RGS9: variants seen among roughly 807,000 people sequenced by gnomAD.
The protein encoded by RGS9 is regulator of G protein signaling 9.
In RGS9, 78 loss-of-function variants were observed where a neutral mutation model predicts 102.0. The observed-to-expected ratio is 0.76, with a 90% confidence interval of 0.64 to 0.92. RGS9 has a LOEUF of 0.92. RGS9 is among the 40% of genes least tolerant of loss of function. RGS9 has a pLI of 0.00. For synonymous variants in RGS9, 353 were observed against 318.6 expected (o/e 1.11, Z -1.15); for missense variants, 833 against 866.1 (o/e 0.96, Z 0.48).
chr17:65,212,583 G>C (rs1913345019), intron 17 of RGS9, among the ~76,000 whole-genome samples: 1 of 152,160 alleles, frequency 6.6e-6, no homozygotes, highest in Admixed American at 6.5e-5. Flanking sequence ...GGGTGAGGGG[G>C]AAACTGTGCA....
chr17:65,157,268 G>A lies in RGS9; in HGVS notation c.155-1027G>A, dbSNP rs150414642. On this transcript the variant is annotated intron_variant, in intron 2 of 18. Transcript: ENST00000262406. ...AAAATGTGACCATTGGCATCTGCAC[G>A]ATGGTATCTGTGATGCGGTGCTTCG... Among the ~76,000 whole-genome samples, 11 of 152,204 alleles carry A rather than the reference G, an allele frequency of 7.2e-5. No homozygotes were observed. In the East Asian group the frequency reaches 9.7e-4, roughly 13 times the overall value.
At chr17:65,193,136 T>TG (rs1446770604) in intron 11 of RGS9, among the ~76,000 whole-genome samples, 2 of 145,060 alleles carry the variant, frequency 1.4e-5, no homozygotes, top group African/African-American at 5.1e-5. Context: ...CCTGGCCTGG[T>TG]GGTGCGCGTC....
chr17:65,151,816 T>C (rs898364998), intron 1 of RGS9, among the ~76,000 whole-genome samples: 1 of 152,240 alleles, frequency 6.6e-6, no homozygotes, highest in African/African-American at 2.4e-5. Flanking sequence ...CTTCCAGGGC[T>C]CTGAAAGTCA....
chr17:65,149,186 C>G (rs1910487373), intron 1 of RGS9, among the ~76,000 whole-genome samples: 1 of 151,792 alleles, frequency 6.6e-6, no homozygotes, highest in South Asian at 2.1e-4. Context: ...GTTGGCCAGG[C>G]TGGTCTCGAA....
At chr17:65,175,083 ATGTGTG>A (rs113500448) in intron 8 of RGS9, among the ~76,000 whole-genome samples, 1 of 149,118 alleles carries the variant, frequency 6.7e-6, no homozygotes, top group East Asian at 2.0e-4. Context: ...AACCATATTA[ATGTGTG>A]TGTGTGTGTG....
At position 65,218,122 on chromosome 17, in the gene RGS9, A is replaced by T. The variant is rs1010839353; in HGVS notation, c.1408-6880A>T. Among the ~76,000 whole-genome samples, 3 of 152,304 alleles carry T rather than the reference A, an allele frequency of 2.0e-5. No homozygotes were observed. The East Asian group carries it at 5.8e-4, about 29-fold the overall frequency. On this transcript the variant is annotated intron_variant, in intron 17 of 18. Coordinates refer to ENST00000262406, the MANE Select transcript of RGS9 (RefSeq NM_003835.4). ...GAGGGAAGAAGTGTCTCCTCTCCTTATATGGAAGTTTCTGTATGTTCAAAG... is the reference window on the plus strand; with the variant it reads ...GAGGGAAGAAGTGTCTCCTCTCCTTTTATGGAAGTTTCTGTATGTTCAAAG...
Position 65,174,183 on chromosome 17 carries a change from G to A in RGS9, c.583-3549G>A, listed in dbSNP as rs1322719515. On this transcript the variant is annotated intron_variant, in intron 8 of 18. Transcript: ENST00000262406. Reference sequence around the variant, plus strand: ...GAGGACTCTATCTCAGTTATGCAGTGCACTGTTGAGCACTGGGGCAACCAA... The same window carrying A: ...GAGGACTCTATCTCAGTTATGCAGTACACTGTTGAGCACTGGGGCAACCAA... Among the ~76,000 whole-genome samples, 6 of 152,346 alleles carry A rather than the reference G, an allele frequency of 3.9e-5. No homozygotes were observed. The East Asian group carries it at 9.6e-4, about 24-fold the overall frequency.
intron 1 of RGS9, among the ~76,000 whole-genome samples, chr17:65,148,941 G>A (rs988133659): frequency 1.3e-5 from 2 of 151,448 alleles, no homozygotes; most frequent in Non-Finnish European, 2.9e-5. Context: ...TCCCTACGAT[G>A]ATTGGTTTTG....
chr17:65,183,541 C>T (rs777486327), intron 9 of RGS9, among the ~76,000 whole-genome samples: 4 of 152,214 alleles, frequency 2.6e-5, no homozygotes, highest in African/African-American at 4.8e-5. Context: ...AAGCGATCCA[C>T]CTGCCTTGGC....
chr17:65,150,475 A>T (rs1321788319), intron 1 of RGS9, among the ~76,000 whole-genome samples: 1 of 152,026 alleles, frequency 6.6e-6, no homozygotes, highest in Non-Finnish European at 1.5e-5. Context: ...TACAAAAATT[A>T]GCTGGGCGTG....
intron 17 of RGS9, among the ~76,000 whole-genome samples, chr17:65,212,154 A>G (rs1359890059): frequency 6.6e-6 from 1 of 152,210 alleles, no homozygotes; most frequent in African/African-American, 2.4e-5. Flanking sequence ...ACTTTATTTT[A>G]TTGGCCAAAG....
intron 16 of RGS9, among the ~76,000 whole-genome samples, chr17:65,209,305 G>A (rs1240863844): frequency 6.6e-6 from 1 of 152,198 alleles, no homozygotes; most frequent in African/African-American, 2.4e-5. Context: ...CCTTCCTCTT[G>A]GCAGGGCTGG....
intron 9 of RGS9, chr17:65,180,053 G>C (rs976424889): frequency 1.3e-5 from 2 of 152,164 alleles, no homozygotes; most frequent in African/African-American, 4.8e-5. Context: ...GTATTAAGAA[G>C]AATAAAGAAC....
chr17:65,140,163 G>A (rs1235323320), intron 1 of RGS9, among the ~76,000 whole-genome samples: 3 of 152,224 alleles, frequency 2.0e-5, no homozygotes, highest in Non-Finnish European at 4.4e-5. Flanking sequence ...ACTAGGTGGT[G>A]AAACCAAGAA....
chr17:65,166,016 T>TG (rs79097305), intron 7 of RGS9, among the ~76,000 whole-genome samples: 18,444 of 152,174 alleles, frequency 0.12, 2,223 homozygotes, highest in East Asian at 0.51. Context: ...CTGGAGCAAC[T>TG]GGGGCTGGCT....
At chr17:65,192,989 G>T (rs1336809822) in intron 11 of RGS9, among the ~76,000 whole-genome samples, 1 of 152,022 alleles carries the variant, frequency 6.6e-6, no homozygotes, top group Non-Finnish European at 1.5e-5. Flanking sequence ...GAAAGGCCGG[G>T]CATGGTGGCT....
chr17:65,154,650 G>A (rs997213007), intron 2 of RGS9, among the ~76,000 whole-genome samples: 5 of 152,292 alleles, frequency 3.3e-5, no homozygotes, highest in African/African-American at 1.2e-4. Context: ...CTGTGTGTGG[G>A]GGTGAGGTGC....
Position 65,193,545 on chromosome 17 carries a change from T to C in RGS9, c.749T>C (p.Ile250Thr). ...TVKSSVSLGG[I>T]VKYSEQFSSN... The stretch of plus-strand genomic sequence containing the variant: ...ATCATTTTCTGTTTCCTTTTCAGGA[T>C]TGTGAAATACAGTGAGCAGTTCTCA... The change falls in exon 12 of 19, where the codon ATT (isoleucine) becomes ACT (threonine). Residue 250 changes from isoleucine (I) to threonine (T), a missense_variant and splice_region_variant. Coordinates refer to ENST00000262406, the MANE Select transcript of RGS9 (RefSeq NM_003835.4). 2 of 1,603,118 alleles carry C rather than the reference T, an allele frequency of 1.2e-6. No homozygotes were observed. Among genetic ancestry groups the C allele is most frequent in the Non-Finnish European group, 1.7e-6 (2 of 1,169,998 alleles).
chr17:65,182,699 G>A (rs1192977384), intron 9 of RGS9, among the ~76,000 whole-genome samples: 2 of 152,158 alleles, frequency 1.3e-5, no homozygotes, highest in Non-Finnish European at 2.9e-5. Context: ...ATTCAGTTAC[G>A]TGTTTCCAGT....
Sources: allele counts gnomAD v4.1 joint callset (sites outside exome capture counted in the v4.1 genomes callset), GRCh38; gene constraint gnomAD v4.1.1; transcripts MANE v1.5; gene names NCBI Gene and HGNC (gene_info 2026-07-23, HGNC 2026-07-21).